The following GPC6 variants were observed in gnomAD, a reference collection of about 807,000 sequenced individuals.
GPC6 encodes the protein glypican-6.
Under a neutral mutation model 55.2 loss-of-function variants are expected in GPC6, and 14 were observed. That is an observed-to-expected ratio of 0.25 (90% CI 0.17 to 0.40). GPC6 has a LOEUF of 0.40. Among genes scored for constraint, GPC6 ranks in the 10% least tolerant of loss-of-function variants. GPC6 has a pLI of 1.00. For missense variants in GPC6, 641 were observed against 708.5 expected, an observed-to-expected ratio of 0.90 and a Z score of 1.08; for synonymous variants, 278 against 259.6, an observed-to-expected ratio of 1.07 and a Z score of -0.68.
At chr13:93,752,274 G>A (rs529916111) in intron 2 of GPC6, among the ~76,000 whole-genome samples, 6 of 151,928 alleles carry the variant, frequency 3.9e-5, no homozygotes, top group South Asian at 2.1e-4. Flanking sequence ...GCTCATGTTC[G>A]TCTGCAATAT....
At chr13:93,685,963 G>T (rs1882033250) in intron 2 of GPC6, among the ~76,000 whole-genome samples, 1 of 152,088 alleles carries the variant, frequency 6.6e-6, no homozygotes, top group Non-Finnish European at 1.5e-5. Flanking sequence ...TGCTAGGCCA[G>T]GTTCTCTGAC....
intron 1 of GPC6, among the ~76,000 whole-genome samples, chr13:93,539,102 T>C (rs1271826728): frequency 6.6e-6 from 1 of 152,184 alleles, no homozygotes; most frequent in East Asian, 1.9e-4. Flanking sequence ...AATGACAATA[T>C]AAAAGTCATT....
chr13:94,005,479 A>T (rs1881978833), intron 3 of GPC6, among the ~76,000 whole-genome samples: 1 of 152,200 alleles, frequency 6.6e-6, no homozygotes, highest in South Asian at 2.1e-4. Flanking sequence ...AAAAGGTACA[A>T]CACAGAGTCC....
intron 2 of GPC6, among the ~76,000 whole-genome samples, chr13:93,569,731 A>G (rs892490246): frequency 6.6e-6 from 1 of 152,124 alleles, no homozygotes; most frequent in Non-Finnish European, 1.5e-5. Flanking sequence ...AATCTCTTTT[A>G]TTTGTTAAAT....
chr13:94,240,063 G>A (rs1013839162), intron 4 of GPC6, among the ~76,000 whole-genome samples: 43 of 152,214 alleles, frequency 2.8e-4, no homozygotes, highest in African/African-American at 9.9e-4. Flanking sequence ...ATAGAAAGGG[G>A]CCAGCTAATA....
At chr13:93,740,708 A>T (rs1272669502) in intron 2 of GPC6, among the ~76,000 whole-genome samples, 1 of 152,214 alleles carries the variant, frequency 6.6e-6, no homozygotes, top group African/African-American at 2.4e-5. Flanking sequence ...AGCTTGCAAG[A>T]TACATTAGAT....
At chr13:93,835,915 G>A (rs1247668665) in intron 3 of GPC6, 1 of 152,094 alleles carries the variant, frequency 6.6e-6, no homozygotes, top group Non-Finnish European at 1.5e-5. Context: ...CATATAACTT[G>A]AACTATTGAC....
intron 1 of GPC6, among the ~76,000 whole-genome samples, chr13:93,470,988 T>G (rs1879090661): frequency 6.6e-6 from 1 of 152,146 alleles, no homozygotes; most frequent in African/African-American, 2.4e-5. Flanking sequence ...ATATGTTCTC[T>G]TTGATTCTTT....
chr13:94,217,122 T>C (rs1010787051), intron 4 of GPC6, among the ~76,000 whole-genome samples: 3 of 152,174 alleles, frequency 2.0e-5, no homozygotes, highest in African/African-American at 4.8e-5. Flanking sequence ...GAATCTGAGT[T>C]TGAATTTTTC....
intron 1 of GPC6, among the ~76,000 whole-genome samples, chr13:93,284,590 A>T (rs1262302146): frequency 6.6e-6 from 1 of 152,174 alleles, no homozygotes; most frequent in Admixed American, 6.5e-5. Context: ...GAAGCTGTTT[A>T]TATAGAGCAT....
At chr13:93,853,744 T>C (rs1287422277) in intron 3 of GPC6, among the ~76,000 whole-genome samples, 1 of 151,710 alleles carries the variant, frequency 6.6e-6, no homozygotes, top group Non-Finnish European at 1.5e-5. Context: ...CACGTTAATG[T>C]GTTTTCTGAA....
At chr13:94,241,923 TTTA>T (rs1482702496) in intron 4 of GPC6, among the ~76,000 whole-genome samples, 3 of 152,116 alleles carry the variant, frequency 2.0e-5, no homozygotes, top group South Asian at 4.1e-4. Flanking sequence ...TTATTCTTTT[TTTA>T]TTATTATTAT....
At chr13:93,684,610 T>A (rs1457654756) in intron 2 of GPC6, among the ~76,000 whole-genome samples, 2 of 152,208 alleles carry the variant, frequency 1.3e-5, no homozygotes, top group Admixed American at 6.5e-5. Context: ...GGACTGAAGT[T>A]TTTTATAATG....
intron 4 of GPC6, among the ~76,000 whole-genome samples, chr13:94,170,114 AG>A (rs1412188811): frequency 2.0e-5 from 3 of 152,218 alleles, no homozygotes; most frequent in Non-Finnish European, 4.4e-5. Flanking sequence ...TGCCCCTAAA[AG>A]CACAAGAAAT....
intron 2 of GPC6, among the ~76,000 whole-genome samples, chr13:93,580,283 A>C (rs1462107184): frequency 1.3e-5 from 2 of 152,158 alleles, no homozygotes; most frequent in East Asian, 3.9e-4. Flanking sequence ...TGACCTATTC[A>C]TCTTCCAAAA....
chr13:93,611,699 TTTG>T (rs1252253117), intron 2 of GPC6, among the ~76,000 whole-genome samples: 2 of 152,200 alleles, frequency 1.3e-5, no homozygotes, highest in Non-Finnish European at 2.9e-5. Context: ...TAAGAGGCTT[TTTG>T]TTGTTGTTTA....
At chr13:93,741,199 C>T (rs929160538) in intron 2 of GPC6, among the ~76,000 whole-genome samples, 4 of 142,972 alleles carry the variant, frequency 2.8e-5, no homozygotes, top group Non-Finnish European at 6.0e-5. Flanking sequence ...ACTGCAAGCT[C>T]CGCCTCCCAG....
At chr13:93,871,938 T>A (rs1202065884) in intron 3 of GPC6, among the ~76,000 whole-genome samples, 1 of 151,962 alleles carries the variant, frequency 6.6e-6, no homozygotes, top group Non-Finnish European at 1.5e-5. Flanking sequence ...TGCATTTATT[T>A]TTTGATTAAT....
intron 1 of GPC6, among the ~76,000 whole-genome samples, chr13:93,529,869 A>G (rs1881798566): frequency 2.0e-5 from 3 of 152,268 alleles, no homozygotes; most frequent in Non-Finnish European, 2.9e-5. Context: ...AGCACCAGGC[A>G]TTATACCTAA....
Sources: gnomAD v4.1 joint callset for allele counts (sites outside exome capture counted in the v4.1 genomes callset) on GRCh38, gnomAD v4.1.1 for gene constraint, MANE v1.5 for transcripts, NCBI Gene and HGNC (gene_info 2026-07-23, HGNC 2026-07-21) for gene names.